Variants in CFAP299 observed in about 807,000 individuals in gnomAD.
The protein encoded by CFAP299 is cilia- and flagella-associated protein 299.
In CFAP299, 21 loss-of-function variants were observed where a neutral mutation model predicts 27.0. The observed-to-expected ratio is 0.78, with a 90% CI of 0.55 to 1.12. The LOEUF is 1.12. CFAP299 is among the 50% of genes most tolerant of loss of function. The pLI, the probability that CFAP299 is intolerant of heterozygous loss-of-function variation, is 0.00. For missense variants in CFAP299, 310 were observed against 276.6 expected, an observed-to-expected ratio of 1.12 and a Z score of -0.86; for synonymous variants, 104 against 98.1, an observed-to-expected ratio of 1.06 and a Z score of -0.36.
intron 3 of CFAP299, among the ~76,000 whole-genome samples, chr4:80,858,172 T>C (rs1013358391): frequency 8.5e-5 from 13 of 152,274 alleles, no homozygotes; most frequent in African/African-American, 2.7e-4. Flanking sequence ...CCATTTCTTC[T>C]AGATTGTCTA....
chr4:80,623,551 C>G (rs1738718701), intron 3 of CFAP299, among the ~76,000 whole-genome samples: 1 of 152,062 alleles, frequency 6.6e-6, no homozygotes. Flanking sequence ...CAAGATAAAG[C>G]TTTCACAGTA....
At chr4:80,952,477 G>A (rs1737833086) in intron 5 of CFAP299, among the ~76,000 whole-genome samples, 1 of 152,084 alleles carries the variant, frequency 6.6e-6, no homozygotes, top group Non-Finnish European at 1.5e-5. Flanking sequence ...AGAGTAAATG[G>A]TGATTTTTTC....
chr4:80,480,632 C>T (rs1730516795), intron 2 of CFAP299, among the ~76,000 whole-genome samples: 1 of 152,014 alleles, frequency 6.6e-6, no homozygotes, highest in South Asian at 2.1e-4. Context: ...GTTTTGTCTG[C>T]TCAGAGATTT....
At chr4:80,609,497 T>A (rs924631139) in intron 3 of CFAP299, among the ~76,000 whole-genome samples, 13 of 152,084 alleles carry the variant, frequency 8.5e-5, no homozygotes, top group Admixed American at 5.2e-4. Flanking sequence ...TATTTAGATA[T>A]GTCTCTTTAT....
At chr4:80,636,790 C>T (rs978419618) in intron 3 of CFAP299, among the ~76,000 whole-genome samples, 1 of 152,152 alleles carries the variant, frequency 6.6e-6, no homozygotes, top group Non-Finnish European at 1.5e-5. Flanking sequence ...GCTGCTTTTG[C>T]ACCAAATGGC....
chr4:80,612,454 A>T (rs1258740426), intron 3 of CFAP299, among the ~76,000 whole-genome samples: 1 of 152,064 alleles, frequency 6.6e-6, no homozygotes, highest in African/African-American at 2.4e-5. Flanking sequence ...TTTGAGACAA[A>T]ATCTGTAGTA....
At chr4:80,827,091 A>T (rs1042699482) in intron 3 of CFAP299, among the ~76,000 whole-genome samples, 20 of 151,838 alleles carry the variant, frequency 1.3e-4, no homozygotes, top group African/African-American at 4.8e-4. Flanking sequence ...CAAATTAACA[A>T]CCCAACATTA....
At chr4:80,486,692 T>C (rs1013204192) in intron 2 of CFAP299, among the ~76,000 whole-genome samples, 1 of 152,250 alleles carries the variant, frequency 6.6e-6, no homozygotes, top group Non-Finnish European at 1.5e-5. Flanking sequence ...ACACCCTACC[T>C]GAAGGTTGAC....
At chr4:80,342,055 A>G (rs557035528) in intron 1 of CFAP299, among the ~76,000 whole-genome samples, 48 of 152,340 alleles carry the variant, frequency 3.2e-4, no homozygotes, top group Admixed American at 1.8e-3. Flanking sequence ...GACCAACCAG[A>G]GGAAAGACTC....
chr4:80,491,576 G>A (rs1731135235), intron 2 of CFAP299, among the ~76,000 whole-genome samples: 1 of 151,786 alleles, frequency 6.6e-6, no homozygotes, highest in Non-Finnish European at 1.5e-5. Context: ...TTCACTTTCT[G>A]TTCTCACCAA....
chr4:80,646,841 A>G (rs146728339), intron 3 of CFAP299, among the ~76,000 whole-genome samples: 8 of 152,152 alleles, frequency 5.3e-5, no homozygotes, highest in Non-Finnish European at 1.2e-4. Flanking sequence ...AGGTGATATA[A>G]ATGCCAAATG....
intron 2 of CFAP299, among the ~76,000 whole-genome samples, chr4:80,412,095 G>C (rs1217496407): frequency 6.6e-6 from 1 of 152,136 alleles, no homozygotes; most frequent in African/African-American, 2.4e-5. Context: ...CCCTCAGCTA[G>C]TAAATAGAGG....
intron 2 of CFAP299, among the ~76,000 whole-genome samples, chr4:80,580,558 A>G (rs1476442861): frequency 6.6e-6 from 1 of 151,994 alleles, no homozygotes; most frequent in Admixed American, 6.6e-5. Context: ...TTTAATTCTC[A>G]AAAGAGCCTT....
chr4:80,572,942 G>A (rs1006392126), intron 2 of CFAP299, among the ~76,000 whole-genome samples: 4 of 152,108 alleles, frequency 2.6e-5, no homozygotes, highest in South Asian at 2.1e-4. Flanking sequence ...AAACATGAGC[G>A]TGCAGACATG....
At position 80,432,678 on chromosome 4, in the gene CFAP299, G is replaced by A. The variant is rs566790325; in HGVS notation, c.242+69794G>A. On this transcript the variant is annotated intron_variant, in intron 2 of 5. Transcript: ENST00000358105. ...CTCCAGAGTAGCTGGGACTACAGGC[G>A]CCCACCACCACGCCTGGCTAATTTT... Among the ~76,000 whole-genome samples, 69 of 151,538 alleles carry A rather than the reference G, an allele frequency of 4.6e-4. 1 individual carries two copies. The highest frequency in any genetic ancestry group is 1.6e-3 in the African/African-American group (67 of 41,332).
At chr4:80,881,893 A>G (rs996063115) in intron 4 of CFAP299, among the ~76,000 whole-genome samples, 16 of 152,208 alleles carry the variant, frequency 1.1e-4, no homozygotes, top group African/African-American at 3.9e-4. Flanking sequence ...GAAATTCAAT[A>G]AGGAGATAGA....
chr4:80,741,928 C>A (rs1724296873), intron 3 of CFAP299, among the ~76,000 whole-genome samples: 1 of 152,104 alleles, frequency 6.6e-6, no homozygotes, highest in African/African-American at 2.4e-5. Context: ...CTTGTAAGGG[C>A]ACTGCCTGAG....
At chr4:80,879,524 A>G (rs1733582388) in intron 4 of CFAP299, among the ~76,000 whole-genome samples, 1 of 152,220 alleles carries the variant, frequency 6.6e-6, no homozygotes, top group African/African-American at 2.4e-5. Context: ...TAGAAGTGAC[A>G]GTATAATGTT....
chr4:80,511,541 A>G (rs1732303282), intron 2 of CFAP299, among the ~76,000 whole-genome samples: 1 of 152,150 alleles, frequency 6.6e-6, no homozygotes, highest in Admixed American at 6.6e-5. Context: ...TTTTCACTTA[A>G]ATGAATATGA....
Sources: allele counts gnomAD v4.1 joint callset (sites outside exome capture counted in the v4.1 genomes callset), GRCh38; gene constraint gnomAD v4.1.1; transcripts MANE v1.5; gene names NCBI Gene and HGNC (gene_info 2026-07-23, HGNC 2026-07-21).